The following CELF4 variants were observed in gnomAD, a reference collection of about 807,000 sequenced individuals.
CELF4 encodes the protein CUGBP Elav-like family member 4.
In CELF4, 18 loss-of-function variants were observed where a neutral mutation model predicts 59.9. The ratio of observed to expected loss-of-function variants is 0.30; its 90% CI spans 0.21 to 0.45. The LOEUF (loss-of-function observed/expected upper bound fraction) is 0.45, where lower values mean the gene tolerates loss of function less well. Among genes scored for constraint, CELF4 ranks in the 20% least tolerant of loss-of-function variants. The probability of loss-of-function intolerance (pLI) is 1.00; values close to 1 mark genes in which losing one functional copy is unlikely to be tolerated. For missense variants in CELF4, 456 were observed against 689.0 expected (o/e 0.66, Z 3.79); for synonymous variants, 261 against 267.1 (o/e 0.98, Z 0.22).
chr18:37,329,586 G>GA (rs1324235629), intron 2 of CELF4, among the ~76,000 whole-genome samples: 4 of 152,366 alleles, frequency 2.6e-5, no homozygotes, highest in African/African-American at 9.6e-5. Flanking sequence ...ACCACAGGGT[G>GA]AACGTGACCA....
At chr18:37,518,050 G>A (rs2099952860) in intron 1 of CELF4, among the ~76,000 whole-genome samples, 1 of 152,120 alleles carries the variant, frequency 6.6e-6, no homozygotes, top group Non-Finnish European at 1.5e-5. Context: ...AGAGCTGGTG[G>A]GTGGCACTGG....
intron 3 of CELF4, among the ~76,000 whole-genome samples, chr18:37,314,703 C>G (rs992077980): frequency 1.3e-5 from 2 of 152,164 alleles, no homozygotes; most frequent in Admixed American, 6.5e-5. Context: ...CTCCCCTTTC[C>G]GTCCTCCAGC....
chr18:37,286,538 G>A (rs183391635), intron 3 of CELF4, among the ~76,000 whole-genome samples: 2 of 152,280 alleles, frequency 1.3e-5, no homozygotes, highest in Non-Finnish European at 2.9e-5. Context: ...TGCTGGGGGC[G>A]GCCGTGCAAA....
chr18:37,253,985 C>G lies in CELF4; in HGVS notation c.1334-47G>C. 5.0e-6 allele frequency: 4 copies of G among 797,940 alleles called. No individual in the cohort carries two copies. Among genetic ancestry groups the G allele is most frequent in the South Asian group, 1.9e-5 (1 of 52,072 alleles). 49.4% of individuals were successfully genotyped at this position (797,940 alleles called of 1,614,324 possible). On this transcript the variant is annotated intron_variant, in intron 11 of 12. Coordinates refer to ENST00000420428, the MANE Select transcript of CELF4 (RefSeq NM_020180.4). The surrounding 1 kb of genome is among the most constrained non-coding windows in gnomAD (Gnocchi z 4.5). Reference sequence around the variant, plus strand: ...GGGCCTGGGTTTCCACGGGGCCGCCCGGGGCGCTGCCGGCGGGGAGGGGTC... The same window carrying G: ...GGGCCTGGGTTTCCACGGGGCCGCCGGGGGCGCTGCCGGCGGGGAGGGGTC...
At chr18:37,289,163 C>T (rs1207891012) in intron 3 of CELF4, among the ~76,000 whole-genome samples, 3 of 149,688 alleles carry the variant, frequency 2.0e-5, no homozygotes, top group Non-Finnish European at 3.0e-5. Flanking sequence ...GATGGGGGAT[C>T]GTGGGGTGAG....
intron 2 of CELF4, among the ~76,000 whole-genome samples, chr18:37,352,760 G>T (rs774303292): frequency 2.5e-4 from 38 of 152,140 alleles, no homozygotes; most frequent in Non-Finnish European, 4.9e-4. Flanking sequence ...GCCACTTGGA[G>T]GTGGATGGGG....
At chr18:37,456,465 C>T (rs1408343050) in intron 2 of CELF4, among the ~76,000 whole-genome samples, 1 of 152,078 alleles carries the variant, frequency 6.6e-6, no homozygotes, top group African/African-American at 2.4e-5. Context: ...TGTCCTGCTC[C>T]GTCCAGCCCT....
intron 2 of CELF4, among the ~76,000 whole-genome samples, chr18:37,442,660 A>G (rs957478374): frequency 2.6e-5 from 4 of 152,198 alleles, no homozygotes; most frequent in Admixed American, 6.5e-5. Flanking sequence ...CATTTCCAAT[A>G]CAAGGAAACA....
At chr18:37,300,839 C>T (rs1381979205) in intron 3 of CELF4, among the ~76,000 whole-genome samples, 1 of 152,212 alleles carries the variant, frequency 6.6e-6, no homozygotes, top group African/African-American at 2.4e-5. Flanking sequence ...GGGTGAGCAG[C>T]AGTGGCATCT....
intron 1 of CELF4, among the ~76,000 whole-genome samples, chr18:37,502,368 G>A (rs1468915136): frequency 6.6e-6 from 1 of 152,078 alleles, no homozygotes; most frequent in Non-Finnish European, 1.5e-5. Context: ...GCAACAGAGA[G>A]CAAGAGCGGG....
chr18:37,342,404 G>A (rs183106056), intron 2 of CELF4, among the ~76,000 whole-genome samples: 26 of 152,242 alleles, frequency 1.7e-4, no homozygotes, highest in East Asian at 7.7e-4. Flanking sequence ...TCTGAGAGCC[G>A]GGCTCAGAAA....
chr18:37,355,848 C>T (rs987660323), intron 2 of CELF4, among the ~76,000 whole-genome samples: 1 of 152,198 alleles, frequency 6.6e-6, no homozygotes, highest in Admixed American at 6.5e-5. Flanking sequence ...TGCCACTGCC[C>T]TTTGGAGTCA....
intron 2 of CELF4, among the ~76,000 whole-genome samples, chr18:37,364,644 T>C (rs1314082402): frequency 1.3e-5 from 2 of 152,172 alleles, no homozygotes; most frequent in Admixed American, 6.5e-5. Context: ...GTCTGCTCAG[T>C]CCATGGAGAG....
At chr18:37,553,390 T>G (rs2099983844) in intron 1 of CELF4, among the ~76,000 whole-genome samples, 1 of 152,094 alleles carries the variant, frequency 6.6e-6, no homozygotes, top group Admixed American at 6.5e-5. Context: ...AGCATATGAG[T>G]GTGCCACGTG....
At chr18:37,370,615 C>G (rs566990667) in intron 2 of CELF4, among the ~76,000 whole-genome samples, 2 of 152,176 alleles carry the variant, frequency 1.3e-5, no homozygotes, top group African/African-American at 4.8e-5. Context: ...AAGTAGCATG[C>G]TTTTAATGTT....
chr18:37,451,366 G>A (rs1055133403), intron 2 of CELF4, among the ~76,000 whole-genome samples: 5 of 149,964 alleles, frequency 3.3e-5, no homozygotes, highest in Admixed American at 2.0e-4. Flanking sequence ...GTATCTGTGC[G>A]TGTGTGTATG....
chr18:37,442,765 CT>C (rs1283333052), intron 2 of CELF4, among the ~76,000 whole-genome samples: 22 of 152,210 alleles, frequency 1.4e-4, no homozygotes, highest in Non-Finnish European at 2.1e-4. Flanking sequence ...CCTGAGCCAC[CT>C]GTATGGGAAT....
At chr18:37,437,230 G>C (rs988091743) in intron 2 of CELF4, among the ~76,000 whole-genome samples, 1 of 152,182 alleles carries the variant, frequency 6.6e-6, no homozygotes, top group African/African-American at 2.4e-5. Context: ...AGAAGAATGA[G>C]AAGGCAGGAG....
chr18:37,504,785 A>G (rs530445627), intron 1 of CELF4, among the ~76,000 whole-genome samples: 5 of 152,346 alleles, frequency 3.3e-5, no homozygotes, highest in African/African-American at 1.2e-4. Context: ...GTCTGTGAGA[A>G]ATATGGAGAT....
Sources: gnomAD v4.1 joint callset for allele counts (sites outside exome capture counted in the v4.1 genomes callset) on GRCh38, gnomAD v4.1.1 for gene constraint, Gnocchi (gnomAD v3.1) non-coding constraint, MANE v1.5 for transcripts, NCBI Gene and HGNC (gene_info 2026-07-23, HGNC 2026-07-21) for gene names.